SH3GL2: variants seen among roughly 807,000 people sequenced by gnomAD.
SH3GL2 encodes endophilin-A1.
A neutral mutation model predicts 46.0 loss-of-function variants in SH3GL2; 24 were observed. That is an observed-to-expected ratio of 0.52 (90% CI 0.38 to 0.73). The LOEUF (loss-of-function observed/expected upper bound fraction) is 0.73. Among genes scored for constraint, SH3GL2 ranks in the 30% least tolerant of loss-of-function variants. The pLI is 0.00. For missense variants in SH3GL2, 413 were observed against 424.2 expected (o/e 0.97, Z 0.23); for synonymous variants, 196 against 147.1 (o/e 1.33, Z -2.40).
chr9:17,678,612 C>T (rs1360388014), intron 1 of SH3GL2, among the ~76,000 whole-genome samples: 1 of 152,118 alleles, frequency 6.6e-6, no homozygotes, highest in East Asian at 1.9e-4. Context: ...TTTTCTTTTG[C>T]TGTGCAGAAG....
At chr9:17,623,704 CTA>C (rs1491455766) in intron 1 of SH3GL2, among the ~76,000 whole-genome samples, 4 of 62,350 alleles carry the variant, frequency 6.4e-5, no homozygotes, top group Non-Finnish European at 1.3e-4. Context: ...TTATAATTTC[CTA>C]CACACACACA....
chr9:17,716,974 G>T (rs1821776942), intron 1 of SH3GL2, among the ~76,000 whole-genome samples: 1 of 152,096 alleles, frequency 6.6e-6, no homozygotes, highest in Non-Finnish European at 1.5e-5. Context: ...TTGGTTTCAG[G>T]CAGGAGGTTA....
chr9:17,791,196 T>C, intron 6 of SH3GL2, 35 bp from the exon 7 acceptor site: 1 of 1,488,354 alleles, frequency 6.7e-7, no homozygotes, highest in Non-Finnish European at 9.4e-7. Flanking sequence ...TGGTAACGTG[T>C]AAAACTAAGG....
chr9:17,750,660 T>C (rs1348731812), intron 2 of SH3GL2, among the ~76,000 whole-genome samples: 2 of 152,188 alleles, frequency 1.3e-5, no homozygotes, highest in Admixed American at 1.3e-4. Context: ...TGGTGCAACA[T>C]TGGAGGATTT....
At chr9:17,753,172 T>C (rs544303375) in intron 2 of SH3GL2, among the ~76,000 whole-genome samples, 53 of 152,330 alleles carry the variant, frequency 3.5e-4, no homozygotes, top group Non-Finnish European at 6.2e-4. Flanking sequence ...TGAACACATG[T>C]GTGCATGTGT....
intron 1 of SH3GL2, among the ~76,000 whole-genome samples, chr9:17,652,484 A>G (rs1819979440): frequency 6.6e-6 from 1 of 152,080 alleles, no homozygotes; most frequent in Non-Finnish European, 1.5e-5. Context: ...TGAGGTGATC[A>G]AGTTCTGTGA....
At chr9:17,761,404 T>G (rs774558445) in intron 2 of SH3GL2, 33 bp from the exon 3 acceptor site, 2 of 1,385,620 alleles carry the variant, frequency 1.4e-6, no homozygotes, top group African/African-American at 1.4e-5. Flanking sequence ...CTCATCATTT[T>G]TGTCATTTAG....
intron 1 of SH3GL2, among the ~76,000 whole-genome samples, chr9:17,738,661 G>GAGAC (rs3084663): frequency 0.06 from 7,884 of 131,976 alleles, 382 homozygotes; most frequent in Non-Finnish European, 0.086. Context: ...GAGAGAGAGA[G>GAGAC]AGAGAGAGAG....
intron 1 of SH3GL2, among the ~76,000 whole-genome samples, chr9:17,734,094 A>G (rs558851731): frequency 6.6e-6 from 1 of 152,168 alleles, no homozygotes; most frequent in South Asian, 2.1e-4. Context: ...ATAAATCTCA[A>G]GTTCATCACT....
At chr9:17,738,308 C>T (rs1822401034) in intron 1 of SH3GL2, among the ~76,000 whole-genome samples, 1 of 151,552 alleles carries the variant, frequency 6.6e-6, no homozygotes, top group African/African-American at 2.4e-5. Flanking sequence ...TGTGTCATGG[C>T]ATTTTCTTTT....
rs548605222 is a variant in SH3GL2, at chr9:17,755,501, AC to A, written c.115-5935del. On this transcript the variant is annotated intron_variant, in intron 2 of 8. Transcript: ENST00000380607. ...AAATCTTTTGTATAGATGGGGTCTC[AC>A]TTTTTCCCAGGCTAGTCTTGAACTC... is the stretch of plus-strand genomic sequence containing the variant. 3.9e-5 allele frequency among the ~76,000 whole-genome samples: 6 copies of A among 152,204 alleles called. No individual in the cohort carries two copies. In the South Asian group the frequency reaches 8.3e-4, roughly 21 times the overall value.
chr9:17,762,399 CA>C (rs373498696), intron 3 of SH3GL2, among the ~76,000 whole-genome samples: 14,229 of 44,610 alleles, frequency 0.32, 899 homozygotes, highest in Admixed American at 0.48. Context: ...GACAAGTGAT[CA>C]AAAAAAAAAA....
chr9:17,663,978 T>C (rs1588215757), intron 1 of SH3GL2, among the ~76,000 whole-genome samples: 2 of 152,282 alleles, frequency 1.3e-5, no homozygotes, highest in East Asian at 3.9e-4. Context: ...ACAGTGGCAG[T>C]TTTAGATAAA....
At chr9:17,660,604 C>T (rs372415776) in intron 1 of SH3GL2, among the ~76,000 whole-genome samples, 10 of 152,178 alleles carry the variant, frequency 6.6e-5, no homozygotes, top group Middle Eastern at 3.4e-3. Flanking sequence ...GATTTCAGCC[C>T]TGAACTAGAA....
intron 1 of SH3GL2, among the ~76,000 whole-genome samples, chr9:17,584,272 G>A (rs901681847): frequency 1.4e-4 from 22 of 152,098 alleles, no homozygotes; most frequent in Admixed American, 8.5e-4. Context: ...AGGCCAAGGC[G>A]GGCGGATCAC....
At chr9:17,771,544 A>G (rs541784615) in intron 3 of SH3GL2, among the ~76,000 whole-genome samples, 1 of 152,308 alleles carries the variant, frequency 6.6e-6, no homozygotes, top group Admixed American at 6.5e-5. Context: ...AAAACCTGAG[A>G]AAGCAAAGGC....
intron 1 of SH3GL2, among the ~76,000 whole-genome samples, chr9:17,584,149 T>G (rs751458836): frequency 6.6e-6 from 1 of 152,192 alleles, no homozygotes; most frequent in Non-Finnish European, 1.5e-5. Flanking sequence ...AGAATGCCCT[T>G]AGCCTGTTAC....
chr9:17,587,576 C>T (rs1818402965), intron 1 of SH3GL2, among the ~76,000 whole-genome samples: 1 of 152,226 alleles, frequency 6.6e-6, no homozygotes, highest in South Asian at 2.1e-4. Context: ...GAAATTTCTT[C>T]ATAAACTTAG....
chr9:17,792,310 A>G (rs568397815), intron 7 of SH3GL2, among the ~76,000 whole-genome samples: 3 of 152,330 alleles, frequency 2.0e-5, no homozygotes, highest in East Asian at 1.9e-4. Context: ...AAAACCATAT[A>G]CTTCAAAGAT....
Sources: allele counts gnomAD v4.1 joint callset (sites outside exome capture counted in the v4.1 genomes callset), GRCh38; gene constraint gnomAD v4.1.1; transcripts MANE v1.5; gene names NCBI Gene and HGNC (gene_info 2026-07-23, HGNC 2026-07-21).